The following MAP3K5 variants were observed in gnomAD, a reference collection of about 807,000 sequenced individuals.
The protein encoded by MAP3K5 is ASK-1.
A neutral mutation model predicts 158.7 loss-of-function variants in MAP3K5; 56 were observed. The ratio of observed to expected loss-of-function variants is 0.35; its 90% CI spans 0.28 to 0.44. The LOEUF (loss-of-function observed/expected upper bound fraction) is 0.44, where lower values mean the gene tolerates loss of function less well. Among genes scored for constraint, MAP3K5 ranks in the 20% least tolerant of loss-of-function variants. MAP3K5 has a pLI of 1.00. For synonymous variants in MAP3K5, 579 were observed against 601.7 expected (o/e 0.96, Z 0.55); for missense variants, 1,294 against 1,674.8 (o/e 0.77, Z 3.97).
intron 1 of MAP3K5, among the ~76,000 whole-genome samples, chr6:136,785,297 C>T (rs899063117): frequency 5.9e-5 from 9 of 152,178 alleles, no homozygotes; most frequent in African/African-American, 1.9e-4. Context: ...AACACATGGG[C>T]GACTTTTGTC....
chr6:136,673,774 A>G (rs1203418972), intron 7 of MAP3K5, among the ~76,000 whole-genome samples: 10 of 151,882 alleles, frequency 6.6e-5, no homozygotes, highest in African/African-American at 1.9e-4. Context: ...GAGGAGACAC[A>G]GTTAAATGGT....
chr6:136,641,407 T>C (rs1317577253), intron 12 of MAP3K5, among the ~76,000 whole-genome samples: 1 of 152,230 alleles, frequency 6.6e-6, no homozygotes, highest in Non-Finnish European at 1.5e-5. Context: ...AAACAGTAGT[T>C]AGCACATCTA....
intron 1 of MAP3K5, among the ~76,000 whole-genome samples, chr6:136,789,151 T>C (rs1330712741): frequency 6.6e-6 from 1 of 151,488 alleles, no homozygotes; most frequent in African/African-American, 2.4e-5. Flanking sequence ...CATAGTAAAA[T>C]AAAATAAAAT....
In MAP3K5 at chr6:136,792,409, G is replaced by C. The variant is rs1337812006; in HGVS notation, c.-252C>G. 1.0e-6 allele frequency: 1 copy of C among 989,070 alleles called. No homozygotes were observed. Among genetic ancestry groups the C allele is most frequent in the Admixed American group, 6.1e-5 (1 of 16,376 alleles). The allele number at this position is 989,070 out of a possible 1,614,324, so 61.3% of individuals were successfully genotyped here. On this transcript the variant is annotated 5_prime_UTR_variant, in exon 1 of 30. Coordinates refer to ENST00000359015, the MANE Select transcript of MAP3K5 (RefSeq NM_005923.4). This position sits in a 1 kb window ranked among gnomAD's most constrained non-coding sequence, Gnocchi z 5.7. The stretch of plus-strand genomic sequence containing the variant: ...GCCCTCTGCAGAGTTTAGAGTACAA[G>C]GGGTGGGGAAGCCGGGTGAGCGGGA...
rs149969686 is a variant in MAP3K5, at chr6:136,768,305, T to C, written c.448+23405A>G. Among the ~76,000 whole-genome samples the C allele has an allele frequency of 8.2e-3, 1,255 of 152,314 alleles. 19 individuals carry two copies. The highest frequency in any genetic ancestry group is 0.027 in the African/African-American group (1,137 of 41,562). On this transcript the variant is annotated intron_variant, in intron 1 of 29. Coordinates refer to ENST00000359015, the MANE Select transcript of MAP3K5 (RefSeq NM_005923.4). ...TGATAGAAAATATTTGCAAATCATA[T>C]ATTTGATAAGGGGCTTGTATCCAGA... is the stretch of plus-strand genomic sequence containing the variant.
chr6:136,578,223 AT>A (rs760902052), intron 25 of MAP3K5, among the ~76,000 whole-genome samples: 1 of 152,190 alleles, frequency 6.6e-6, no homozygotes, highest in Admixed American at 6.5e-5. Context: ...TAGAGCATGA[AT>A]TTCTTAGGTT....
chr6:136,688,326 G>A (rs1166200431), intron 7 of MAP3K5, among the ~76,000 whole-genome samples: 1 of 151,970 alleles, frequency 6.6e-6, no homozygotes, highest in Admixed American at 6.6e-5. Flanking sequence ...GTAGATGACG[G>A]GTTGATGGGT....
At chr6:136,585,876 T>A (rs1394779291) in intron 23 of MAP3K5, among the ~76,000 whole-genome samples, 2 of 152,188 alleles carry the variant, frequency 1.3e-5, no homozygotes, top group Admixed American at 1.3e-4. Context: ...TAAGAAAATA[T>A]AAGAAACTTT....
chr6:136,742,498 T>A (rs1486927856), intron 1 of MAP3K5, among the ~76,000 whole-genome samples: 1 of 150,276 alleles, frequency 6.7e-6, no homozygotes, highest in Non-Finnish European at 1.5e-5. Flanking sequence ...CTGCAGAAAT[T>A]AACTCAAATG....
At chr6:136,772,237 A>T (rs1322235874) in intron 1 of MAP3K5, among the ~76,000 whole-genome samples, 1 of 147,436 alleles carries the variant, frequency 6.8e-6, no homozygotes, top group Non-Finnish European at 1.5e-5. Context: ...CATTATTTTG[A>T]GGGGGGGGGA....
chr6:136,746,498 G>A (rs1782964326), intron 1 of MAP3K5, among the ~76,000 whole-genome samples: 1 of 152,046 alleles, frequency 6.6e-6, no homozygotes. Flanking sequence ...TGAACATCAC[G>A]GAAAGAATGC....
chr6:136,590,887 T>G (rs1775355267), intron 23 of MAP3K5, among the ~76,000 whole-genome samples: 1 of 152,236 alleles, frequency 6.6e-6, no homozygotes, highest in East Asian at 1.9e-4. Context: ...TGGGGTACTC[T>G]GGTGATATGG....
At chr6:136,719,145 C>T (rs1781649502) in intron 2 of MAP3K5, among the ~76,000 whole-genome samples, 1 of 152,146 alleles carries the variant, frequency 6.6e-6, no homozygotes, top group Non-Finnish European at 1.5e-5. Flanking sequence ...CACTGCATTC[C>T]AGCCTGGGTG....
At chr6:136,579,864 G>C (rs1434103391) in intron 25 of MAP3K5, 2 of 456,660 alleles carry the variant, frequency 4.4e-6, no homozygotes, top group African/African-American at 4.0e-5. Context: ...TTTGGCTTCA[G>C]ATGGGGCTTT....
rs113792582 is a variant in MAP3K5 at position 136,639,368 on chromosome 6, A to AC, written c.1934+174dup. On this transcript the variant is annotated intron_variant, in intron 13 of 29. Coordinates refer to ENST00000359015, the MANE Select transcript of MAP3K5 (RefSeq NM_005923.4). The stretch of plus-strand genomic sequence containing the variant: ...GATAAAGTTTGACTTATTAAAGAAA[A>AC]CCCCCCCCCAAAATCTGTTAAATTT... Among the ~76,000 whole-genome samples, 1,127 of 149,360 alleles carry AC rather than the reference A, an allele frequency of 7.5e-3. 10 individuals are homozygous for AC. Among genetic ancestry groups the AC allele is most frequent in the African/African-American group, 0.023 (924 of 40,790 alleles).
chr6:136,627,807 G>C (rs898691480), intron 14 of MAP3K5, among the ~76,000 whole-genome samples: 2 of 152,170 alleles, frequency 1.3e-5, no homozygotes, highest in Admixed American at 6.5e-5. Context: ...CCAGCCTAAG[G>C]CATTTTGTTA....
chr6:136,770,629 C>A (rs1218705470), intron 1 of MAP3K5, among the ~76,000 whole-genome samples: 3 of 152,100 alleles, frequency 2.0e-5, no homozygotes, highest in Non-Finnish European at 2.9e-5. Context: ...CAGTGGCTCA[C>A]GCCTGTAATC....
rs752516381 is a variant in MAP3K5, at chr6:136,791,808, C to A, written c.350G>T (p.Arg117Leu). ...VAESEALQSLREACETVGATL... is the reference protein window; with the variant it reads ...VAESEALQSLLEACETVGATL... ...GGCGCCCACTGTCTCGCACGCCTCC[C>A]GCAAGCTCTGCAGGGCCTCGCTCTC... is the stretch of plus-strand genomic sequence containing the variant. Residue 117 changes from arginine to leucine, a missense_variant, in exon 1 of 30, where the codon CGG becomes CTG. Physicochemically the swap from Arg to Leu is moderately radical, Grantham distance 102 (BLOSUM62 -2). Around this residue, in one of 5 missense-constraint regions of MAP3K5, gnomAD observed 690 missense variants for 870.5 expected, o/e 0.79. Transcript: ENST00000359015. 1.2e-6 allele frequency: 2 copies of A among 1,613,780 alleles called. No homozygotes were observed. Among genetic ancestry groups the A allele is most frequent in the South Asian group, 2.2e-5 (2 of 91,084 alleles).
At chr6:136,626,111 G>A (rs894124252) in intron 14 of MAP3K5, among the ~76,000 whole-genome samples, 3 of 152,192 alleles carry the variant, frequency 2.0e-5, no homozygotes, top group African/African-American at 7.2e-5. Context: ...AAACTCTTGG[G>A]TACACACGCA....
Sources: gnomAD v4.1 joint callset for allele counts (sites outside exome capture counted in the v4.1 genomes callset) on GRCh38, gnomAD v4.1.1 for gene constraint, gnomAD v4.1.1 regional missense constraint, Gnocchi (gnomAD v3.1) non-coding constraint, MANE v1.5 for transcripts, NCBI Gene and HGNC (gene_info 2026-07-23, HGNC 2026-07-21) for gene names.